TBCD: variants seen among roughly 807,000 people sequenced by gnomAD.
TBCD encodes tubulin-specific chaperone D.
In TBCD, 105 loss-of-function variants were observed where a neutral mutation model predicts 169.3. The ratio of observed to expected loss-of-function variants is 0.62; its 90% CI spans 0.53 to 0.73. The LOEUF is 0.73. Ranked by LOEUF, TBCD falls within the 30% of genes least tolerant of loss-of-function variation. The pLI is 0.00. For synonymous variants in TBCD, 700 were observed against 643.9 expected, an observed-to-expected ratio of 1.09 and a Z score of -1.32; for missense variants, 1,444 against 1,600.1, an observed-to-expected ratio of 0.90 and a Z score of 1.66.
chr17:82,752,406 C>T (rs1263014743), intron 1 of TBCD, 29 bp downstream of exon 1: 32 of 1,206,640 alleles, frequency 2.7e-5, no homozygotes, highest in Non-Finnish European at 3.2e-5. Flanking sequence ...GTGCCCGCTT[C>T]CTCCCCCGGC....
intron 13 of TBCD, among the ~76,000 whole-genome samples, chr17:82,851,744 G>A (rs2055808184): frequency 6.6e-6 from 1 of 152,220 alleles, no homozygotes; most frequent in South Asian, 2.1e-4. Flanking sequence ...CGTGGCCGAC[G>A]GGCAGAAAGC....
In TBCD at chr17:82,944,063, G is replaced by A. The variant is rs1218948096; in HGVS notation, c.*1600G>A. The A allele has an allele frequency of 6.6e-6, 1 of 152,252 alleles. No homozygotes were observed. The highest frequency in any genetic ancestry group is 2.4e-5 in the African/African-American group (1 of 41,468). The allele number at this position is 152,252 out of a possible 1,614,324, so 9.4% of individuals were successfully genotyped here. A position where few individuals can be genotyped will look rare whatever the true frequency, so the allele number is the denominator to read the frequency against. On this transcript the variant is annotated 3_prime_UTR_variant, in exon 39 of 39. Transcript: ENST00000355528. ...GCCTGGGATGCACTGAGGATGGAAG[G>A]AACAAGTGGCTTCTGAGAAAAACAT...
At chr17:82,817,045 T>A (rs1258600951) in intron 13 of TBCD, among the ~76,000 whole-genome samples, 1 of 152,232 alleles carries the variant, frequency 6.6e-6, no homozygotes, top group Admixed American at 6.5e-5. Context: ...TTGTTGTAAG[T>A]AAGAGTTTTT....
intron 13 of TBCD, among the ~76,000 whole-genome samples, chr17:82,861,424 T>C (rs945584519): frequency 6.6e-6 from 1 of 152,148 alleles, no homozygotes; most frequent in African/African-American, 2.4e-5. Flanking sequence ...TGCTTTTCTT[T>C]CTTGGGGGAT....
At chr17:82,767,409 C>CT (rs1320916256) in intron 4 of TBCD, among the ~76,000 whole-genome samples, 4 of 151,828 alleles carry the variant, frequency 2.6e-5, no homozygotes, top group African/African-American at 7.3e-5. Context: ...AAGGGTACTC[C>CT]TTTTTTATTA....
intron 13 of TBCD, among the ~76,000 whole-genome samples, chr17:82,869,923 G>A (rs995255925): frequency 1.1e-4 from 16 of 152,276 alleles, no homozygotes; most frequent in Admixed American, 5.2e-4. Context: ...CCTCAGACTC[G>A]GCAGACCCCT....
chr17:82,937,071 A>T, intron 34 of TBCD, 200 bp from the exon 35 acceptor site: 1 of 573,022 alleles, frequency 1.7e-6, no homozygotes, highest in Non-Finnish European at 3.1e-6. Context: ...AGGTGGTGGC[A>T]CAGCCGCTAG....
At chr17:82,836,722 C>CA (rs869104270) in intron 13 of TBCD, among the ~76,000 whole-genome samples, 2 of 150,346 alleles carry the variant, frequency 1.3e-5, no homozygotes, top group African/African-American at 2.5e-5. Context: ...AACCAAAAAA[C>CA]AAAAAAACAA....
In TBCD at chr17:82,837,694, G is replaced by A. The variant is rs144037476; in HGVS notation, c.1318+22760G>A. 1.4e-3 allele frequency among the ~76,000 whole-genome samples: 212 copies of A among 152,316 alleles called. 1 individual carries two copies. The highest frequency in any genetic ancestry group is 5.0e-3 in the African/African-American group (206 of 41,572). On this transcript the variant is annotated intron_variant, in intron 13 of 38. Coordinates refer to ENST00000355528, the MANE Select transcript of TBCD (RefSeq NM_005993.5). ...ATTTCCCACTGGATCGGCAGGAAGCGTTAGCAGGGTGGACATGCCACAGAG... is the reference window on the plus strand; with the variant it reads ...ATTTCCCACTGGATCGGCAGGAAGCATTAGCAGGGTGGACATGCCACAGAG...
chr17:82,868,937 G>A (rs1425099187), intron 13 of TBCD, among the ~76,000 whole-genome samples: 2 of 152,200 alleles, frequency 1.3e-5, no homozygotes, highest in Non-Finnish European at 2.9e-5. Flanking sequence ...ACGAGACCCT[G>A]GCGTGTGCGT....
In TBCD at chr17:82,753,791, A is replaced by G. The variant is rs546698408; in HGVS notation, c.184+1414A>G. On this transcript the variant is annotated intron_variant, in intron 1 of 38. Coordinates refer to ENST00000355528, the MANE Select transcript of TBCD (RefSeq NM_005993.5). ...TCTGCGGGCTGCCCAGATAGAGTTGATTTGTCAGGGCAGGGGAGTTGCCAT... is the reference window on the plus strand; with the variant it reads ...TCTGCGGGCTGCCCAGATAGAGTTGGTTTGTCAGGGCAGGGGAGTTGCCAT... Among the ~76,000 whole-genome samples the G allele has an allele frequency of 3.3e-5, 5 of 149,270 alleles. No individual in the cohort carries two copies. The South Asian group carries it at 6.4e-4, about 19-fold the overall frequency.
At chr17:82,917,115 G>T (rs2061107127) in intron 23 of TBCD, among the ~76,000 whole-genome samples, 2 of 149,052 alleles carry the variant, frequency 1.3e-5, no homozygotes, top group Non-Finnish European at 1.5e-5. Flanking sequence ...CGCCTCCCGG[G>T]ATTAAGCGAT....
rs550227250 is a variant in TBCD, at chr17:82,781,051, G to A, written c.639-538G>A. On this transcript the variant is annotated intron_variant, in intron 6 of 38. Coordinates refer to ENST00000355528, the MANE Select transcript of TBCD (RefSeq NM_005993.5). ...TGAGCACTGCCTGGAACACGAGGCC[G>A]AGTCCAACAGGGAAGACTTTCATGG... Among the ~76,000 whole-genome samples, 47 of 152,094 alleles carry A rather than the reference G, an allele frequency of 3.1e-4. No individual in the cohort carries two copies. The East Asian group carries it at 9.0e-3, about 29-fold the overall frequency.
In TBCD at chr17:82,805,928, G is replaced by A. The variant is rs754923800; in HGVS notation, c.1004G>A (p.Gly335Asp). 6.2e-7 allele frequency: 1 copy of A among 1,613,746 alleles called. No homozygotes were observed. The highest frequency in any genetic ancestry group is 8.5e-7 in the Non-Finnish European group (1 of 1,179,704). Residue 335 changes from glycine (G) to aspartate (D), a missense_variant, in exon 10 of 39, where the codon GGT becomes GAT. By Grantham distance (94) the Gly-to-Asp change is moderately conservative (BLOSUM62 -1). Coordinates refer to ENST00000355528, the MANE Select transcript of TBCD (RefSeq NM_005993.5). ...LAANLQLLTQ[G>D]QSEQKPLILT... ...GCAAATCTGCAGCTCCTCACTCAGG[G>A]TCAGAGTGAGCAGAAGCCACTCATC...
At chr17:82,887,168 T>TGTGTGTGTGCGCGCGCGCGCGC in intron 15 of TBCD, among the ~76,000 whole-genome samples, 107 of 126,074 alleles carry the variant, frequency 8.5e-4, no homozygotes, top group Non-Finnish European at 1.4e-3. Flanking sequence ...TGTGTGTGTG[T>TGTGTGTGTGCGCGCGCGCGCGC]GCGCGCGCGC....
intron 13 of TBCD, chr17:82,830,653 G>A: frequency 5.0e-6 from 8 of 1,614,008 alleles, no homozygotes; most frequent in Non-Finnish European, 5.1e-6. Flanking sequence ...GTCCTTCACC[G>A]AGAGATTGAG....
intron 9 of TBCD, among the ~76,000 whole-genome samples, chr17:82,805,422 G>A (rs930706176): frequency 2.6e-5 from 4 of 152,228 alleles, no homozygotes; most frequent in African/African-American, 9.6e-5. Flanking sequence ...CATTCGGGAG[G>A]CAGGATCTGT....
At chr17:82,939,237 TG>T in intron 36 of TBCD, 129 bp from the exon 37 acceptor site, 1 of 733,730 alleles carries the variant, frequency 1.4e-6, no homozygotes, top group Non-Finnish European at 2.4e-6. Context: ...GTGGCTGGGA[TG>T]GGATGCAGGG....
chr17:82,795,706 C>T (rs940261476), intron 7 of TBCD: 1 of 708,408 alleles, frequency 1.4e-6, no homozygotes. Flanking sequence ...GATTCTGTGG[C>T]CTCGCAGGGT....
Sources: gnomAD v4.1 joint callset for allele counts (sites outside exome capture counted in the v4.1 genomes callset) on GRCh38, gnomAD v4.1.1 for gene constraint, MANE v1.5 for transcripts, NCBI Gene and HGNC (gene_info 2026-07-23, HGNC 2026-07-21) for gene names.